The following TASP1 variants were observed in gnomAD, a reference collection of about 807,000 sequenced individuals.
TASP1 encodes the protein threonine aspartase 1.
TASP1 carries 16 observed loss-of-function variants against 56.6 expected under a neutral mutation model. The ratio of observed to expected loss-of-function variants is 0.28; its 90% CI spans 0.19 to 0.43. The LOEUF is 0.43. Ranked by LOEUF, TASP1 falls within the 20% of genes least tolerant of loss-of-function variation. The pLI, the probability that TASP1 is intolerant of heterozygous loss-of-function variation, is 1.00. For missense variants in TASP1, 393 were observed against 511.6 expected, an observed-to-expected ratio of 0.77 and a Z score of 2.24; for synonymous variants, 179 against 184.2, an observed-to-expected ratio of 0.97 and a Z score of 0.23.
At chr20:13,603,797 T>C (rs2048047912) in intron 4 of TASP1, among the ~76,000 whole-genome samples, 1 of 152,230 alleles carries the variant, frequency 6.6e-6, no homozygotes, top group Admixed American at 6.5e-5. Context: ...CAAATTTCCC[T>C]GAACTACTTT....
intron 11 of TASP1, among the ~76,000 whole-genome samples, chr20:13,480,187 A>G (rs1190478974): frequency 6.6e-6 from 1 of 152,198 alleles, no homozygotes; most frequent in Non-Finnish European, 1.5e-5. Flanking sequence ...GTAGCATGGC[A>G]AAAGCATTTA....
chr20:13,616,654 A>G (rs2048535013), intron 4 of TASP1, among the ~76,000 whole-genome samples: 1 of 151,744 alleles, frequency 6.6e-6, no homozygotes. Context: ...AAAAAAAAAA[A>G]GGGCAGTTGG....
the TASP1 span, among the ~76,000 whole-genome samples, chr20:13,345,916 TAAAAAAAAAAAAAAAAAAA>T: frequency 9.9e-6 from 1 of 101,332 alleles, no homozygotes; most frequent in Non-Finnish European, 2.1e-5. Flanking sequence ...CTCAGTAGGT[TAAAAAAAAAAAAAAAAAAA>T]AAAAAAGAAT....
At chr20:13,553,958 A>G (rs982792599) in intron 8 of TASP1, among the ~76,000 whole-genome samples, 1 of 152,168 alleles carries the variant, frequency 6.6e-6, no homozygotes, top group Non-Finnish European at 1.5e-5. Flanking sequence ...TAGCCATGTG[A>G]CTGAATTGTG....
At chr20:13,627,608 G>A (rs770967663) in intron 2 of TASP1, among the ~76,000 whole-genome samples, 3 of 151,760 alleles carry the variant, frequency 2.0e-5, no homozygotes, top group Non-Finnish European at 4.4e-5. Context: ...AAAATTAGCC[G>A]GGCATGGTGG....
the TASP1 span, chr20:13,221,790 C>T: frequency 6.9e-7 from 1 of 1,451,306 alleles, no homozygotes; most frequent in Non-Finnish European, 9.0e-7. Flanking sequence ...GTGCGCCTGG[C>T]GGCCGAGCTG....
At chr20:13,486,783 C>CA (rs992017866) in intron 10 of TASP1, among the ~76,000 whole-genome samples, 109 of 151,784 alleles carry the variant, frequency 7.2e-4, no homozygotes, top group Middle Eastern at 3.4e-3. Context: ...GTCCACTGCC[C>CA]AAAAAAAACT....
chr20:13,475,459 C>T (rs1283662618), intron 11 of TASP1, among the ~76,000 whole-genome samples: 2 of 152,116 alleles, frequency 1.3e-5, no homozygotes, highest in South Asian at 2.1e-4. Context: ...ACCAGAGTTT[C>T]TGGGTTTTGG....
chr20:13,537,482 CATA>C (rs1285794620), intron 8 of TASP1, among the ~76,000 whole-genome samples: 1 of 152,024 alleles, frequency 6.6e-6, no homozygotes, highest in African/African-American at 2.4e-5. Context: ...GTATTTTGGC[CATA>C]ATAATTTCAC....
intron 10 of TASP1, among the ~76,000 whole-genome samples, chr20:13,518,964 G>A (rs1306214561): frequency 1.3e-5 from 2 of 151,994 alleles, no homozygotes; most frequent in Admixed American, 1.3e-4. Flanking sequence ...ATAAAATGTG[G>A]TACATATACA....
At chr20:13,457,080 T>G (rs753837424) in intron 11 of TASP1, among the ~76,000 whole-genome samples, 1 of 151,852 alleles carries the variant, frequency 6.6e-6, no homozygotes, top group Non-Finnish European at 1.5e-5. Context: ...ATGAGATCAC[T>G]TGGACACAGG....
chr20:13,532,970 G>A (rs1435358706), intron 9 of TASP1, among the ~76,000 whole-genome samples: 1 of 152,150 alleles, frequency 6.6e-6, no homozygotes, highest in Non-Finnish European at 1.5e-5. Context: ...TCCCTATACA[G>A]CCCCTTGCAC....
At chr20:13,228,066 G>A in the TASP1 span, among the ~76,000 whole-genome samples, 4 of 147,074 alleles carry the variant, frequency 2.7e-5, no homozygotes, top group Admixed American at 2.0e-4. Context: ...TCCCTCTCCC[G>A]GGTTCAAGCG....
At chr20:13,304,678 G>T in the TASP1 span, among the ~76,000 whole-genome samples, 6 of 152,100 alleles carry the variant, frequency 3.9e-5, no homozygotes, top group Non-Finnish European at 5.9e-5. Flanking sequence ...TGGTGATCTT[G>T]GGGGAATCAG....
At chr20:13,277,265 T>C in the TASP1 span, among the ~76,000 whole-genome samples, 3 of 152,196 alleles carry the variant, frequency 2.0e-5, no homozygotes, top group African/African-American at 4.8e-5. Context: ...TGAATACAAA[T>C]GGAATACCAA....
the TASP1 span, among the ~76,000 whole-genome samples, chr20:13,206,200 T>C: frequency 2.1e-4 from 32 of 152,268 alleles, no homozygotes; most frequent in South Asian, 6.2e-3. Context: ...ATGGACAGCA[T>C]TCCTGGAGGT....
chr20:13,237,720 TAA>T, the TASP1 span: 1 of 152,272 alleles, frequency 6.6e-6, no homozygotes, highest in African/African-American at 2.4e-5. Context: ...TCAATTTTAA[TAA>T]AAGAGTAAAG....
At chr20:13,570,262 A>G (rs1430745229) in intron 6 of TASP1, among the ~76,000 whole-genome samples, 1 of 152,140 alleles carries the variant, frequency 6.6e-6, no homozygotes, top group East Asian at 1.9e-4. Flanking sequence ...TAATTACCCC[A>G]TTCCCTAAGT....
chr20:13,329,739 T>C, the TASP1 span, among the ~76,000 whole-genome samples: 1 of 152,124 alleles, frequency 6.6e-6, no homozygotes, highest in Admixed American at 6.6e-5. Flanking sequence ...TTTTTTTTTC[T>C]TCCAATTGAC....
Sources: gnomAD v4.1 joint callset for allele counts (sites outside exome capture counted in the v4.1 genomes callset) on GRCh38, gnomAD v4.1.1 for gene constraint, MANE v1.5 for transcripts, NCBI Gene and HGNC (gene_info 2026-07-23, HGNC 2026-07-21) for gene names.